ABCA2: variants seen among roughly 807,000 people sequenced by gnomAD.
The protein encoded by ABCA2 is ATP-binding cassette sub-family A member 2.
A neutral mutation model predicts 262.8 loss-of-function variants in ABCA2; 84 were observed. That is an observed-to-expected ratio of 0.32 (90% CI 0.27 to 0.38). The LOEUF (loss-of-function observed/expected upper bound fraction) is 0.38, where lower values mean the gene tolerates loss of function less well. Ranked by LOEUF, ABCA2 falls within the 10% of genes least tolerant of loss-of-function variation. The pLI is 1.00. For synonymous variants in ABCA2, 1,696 were observed against 1,502.9 expected, an observed-to-expected ratio of 1.13 and a Z score of -2.97; for missense variants, 2,662 against 3,405.9, an observed-to-expected ratio of 0.78 and a Z score of 5.44.
chr9:137,013,320 T>G lies in ABCA2; in HGVS notation c.4551-2A>C. The stretch of plus-strand genomic sequence containing the variant: ...CTGGCGTCGGGCGATAGCCGCAGCC[T>G]GCGGGCACCGACAGTGTGAGGTGGG... On this transcript the variant is annotated splice_acceptor_variant, in intron 29 of 48. Coordinates refer to ENST00000341511, the MANE Select transcript of ABCA2 (RefSeq NM_001606.5). LOFTEE classifies it high-confidence loss of function. The G allele has an allele frequency of 6.5e-7, 1 of 1,542,920 alleles. No individual in the cohort carries two copies. The highest frequency in any genetic ancestry group is 8.7e-7 in the Non-Finnish European group (1 of 1,151,196).
rs536107815 is a variant in ABCA2 at position 137,020,347 on chromosome 9, C to T, written c.1414G>A (p.Val472Ile). 8.1e-6 allele frequency: 13 copies of T among 1,612,594 alleles called. No homozygotes were observed. Among genetic ancestry groups the T allele is most frequent in the East Asian group, 6.7e-5 (3 of 44,878 alleles). The change falls in exon 10 of 49, where the codon GTC becomes ATC. Residue 472 changes from valine (V) to isoleucine (I), a missense_variant. By Grantham distance (29) the Val-to-Ile change is conservative (BLOSUM62 3). Transcript: ENST00000341511. ...YAPAGSEVDRVILKANETFAF... is the reference protein window; with the variant it reads ...YAPAGSEVDRIILKANETFAF... ...CCAGACCCGTGCACCTTGAGGATGA[C>T]GCGGTCGACCTCAGAGCCCGCAGGC...
At position 137,017,531 on chromosome 9, in the gene ABCA2, T is replaced by G. The variant is rs12348881; in HGVS notation, c.2373A>C (p.Ala791=). ...ACATGATGGTGGCCACCGCGTAGAC[T>G]GCCAGGAAGAGCCAGATGATGACCA... ...SHVVIIWLFL[A]VYAVATIMFC... The change falls in exon 17 of 49, where the codon GCA becomes GCC. Residue 791 remains alanine (A), a synonymous_variant. Coordinates refer to ENST00000341511, the MANE Select transcript of ABCA2 (RefSeq NM_001606.5). 0.099 allele frequency: 160,081 copies of G among 1,609,864 alleles called. 8,868 individuals are homozygous for G. Among genetic ancestry groups the G allele is most frequent in the African/African-American group, 0.21 (15,853 of 74,932 alleles).
rs1831278124 is a variant in ABCA2 at position 137,016,916 on chromosome 9, G to A, written c.2758+4C>T. 3 of 1,611,968 alleles carry A rather than the reference G, an allele frequency of 1.9e-6. No homozygotes were observed. The highest frequency in any genetic ancestry group is 1.7e-5 in the Admixed American group (1 of 59,988). ...TCCCCTGCCCTCCAAGGGCTGGCCA[G>A]TACCTGGGTGCACAGCCTCAATGTA... On this transcript the variant is annotated splice_donor_region_variant and intron_variant, in intron 19 of 48. Coordinates refer to ENST00000341511, the MANE Select transcript of ABCA2 (RefSeq NM_001606.5).
chr9:137,019,972 C>T lies in ABCA2; in HGVS notation c.1425+364G>A. 3.7e-6 allele frequency: 1 copy of T among 268,778 alleles called. No individual in the cohort carries two copies. 16.6% of individuals were successfully genotyped at this position (268,778 alleles called of 1,614,324 possible). ...CCAGGCCAATGTCCAGCCCTGGCCT[C>T]TGCTTGTTCCAGACAGGACCCCTCA... On this transcript the variant is annotated intron_variant, in intron 10 of 48. Coordinates refer to ENST00000341511, the MANE Select transcript of ABCA2 (RefSeq NM_001606.5). This position sits in a 1 kb window ranked among gnomAD's most constrained non-coding sequence, Gnocchi z 4.4.
At position 137,016,350 on chromosome 9, in the gene ABCA2, G is replaced by T. The variant is rs267602175; in HGVS notation, c.3045C>A (p.Leu1015=). The T allele has an allele frequency of 1.2e-6, 2 of 1,612,796 alleles. No individual in the cohort carries two copies. Among genetic ancestry groups the T allele is most frequent in the African/African-American group, 2.7e-5 (2 of 74,938 alleles). The stretch of plus-strand genomic sequence containing the variant: ...AGAAGGAGACCACCTGGTTCTCGTA[G>T]AGGTTCAGGCTCAGCTTGTTCAGGG... The part of the protein sequence containing the change: ...KLALNKLSLN[L]YENQVVSFLG... The change falls in exon 21 of 49, where the codon CTC becomes CTA. Residue 1015 remains leucine (L), a synonymous_variant. Coordinates refer to ENST00000341511, the MANE Select transcript of ABCA2 (RefSeq NM_001606.5).
rs1370727176 is a variant in ABCA2, at chr9:137,018,340, G to A, written c.1831C>T (p.Gln611Ter). The A allele has an allele frequency of 6.3e-7, 1 of 1,590,474 alleles. No individual in the cohort carries two copies. Among genetic ancestry groups the A allele is most frequent in the Non-Finnish European group, 8.5e-7 (1 of 1,172,362 alleles). Residue 611 changes from glutamine to a stop codon, truncating the protein, a stop_gained, in exon 14 of 49, where the codon CAG (glutamine) becomes TAG (stop). Transcript: ENST00000341511. LOFTEE classifies it high-confidence loss of function. The part of the protein sequence containing the change: ...NVTVFASVIF[Q>*]TRKDGSLPPH... ...GGGAGCGAGCCGTCCTTCCGGGTCT[G>A]GAAGATCACACCTGGGGCCGGGAGG...
Position 137,015,766 on chromosome 9 carries a change from G to A in ABCA2, c.3423C>T (p.Gly1141=), listed in dbSNP as rs751299471. ...GCTCGTCCAGGATGATGGCGCGAGAGCCGCCCACGAAGGCGATGGCCACGG... is the reference window on the plus strand; with the variant it reads ...GCTCGTCCAGGATGATGGCGCGAGAACCGCCCACGAAGGCGATGGCCACGG... The part of the protein sequence containing the change: ...KLSVAIAFVG[G]SRAIILDEPT... The change falls in exon 23 of 49, where the codon GGC becomes GGT. Residue 1141 remains glycine (G), a synonymous_variant. Coordinates refer to ENST00000341511, the MANE Select transcript of ABCA2 (RefSeq NM_001606.5). The A allele has an allele frequency of 1.9e-6, 3 of 1,612,420 alleles. No individual in the cohort carries two copies. Among genetic ancestry groups the A allele is most frequent in the African/African-American group, 1.3e-5 (1 of 75,064 alleles).
chr9:137,013,253 AC>A lies in ABCA2; in HGVS notation c.4615del (p.Val1539TrpfsTer19). The A allele has an allele frequency of 1.9e-6, 3 of 1,591,078 alleles. No individual in the cohort carries two copies. The highest frequency in any genetic ancestry group is 8.5e-7 in the Non-Finnish European group (1 of 1,173,912). On this transcript the variant is annotated frameshift_variant, in exon 30 of 49. Coordinates refer to ENST00000341511, the MANE Select transcript of ABCA2 (RefSeq NM_001606.5). LOFTEE classifies it high-confidence loss of function. The stretch of plus-strand genomic sequence containing the variant: ...AGACTTGAGCACGCAGGTGGCACCC[AC>A]CCCCGACGGCAGCCGGAACGTGCTC... ...LVSTFRLPSG[V>X]GATCVLKSPA...
chr9:137,025,016 T>A (rs1203261710), intron 1 of ABCA2, among the ~76,000 whole-genome samples: 1 of 152,160 alleles, frequency 6.6e-6, no homozygotes, highest in Non-Finnish European at 1.5e-5. Context: ...GCCAGGATGG[T>A]GTCGATCTCC....
In ABCA2 at chr9:137,013,121, C is replaced by G; in HGVS notation, c.4748G>C (p.Gly1583Ala). 2 of 1,595,334 alleles carry G rather than the reference C, an allele frequency of 1.3e-6. No homozygotes were observed. Among genetic ancestry groups the G allele is most frequent in the Middle Eastern group, 1.7e-4 (1 of 6,014 alleles). The change falls in exon 30 of 49, where the codon GGG becomes GCG. Residue 1583 changes from glycine (G) to alanine (A), a missense_variant. Transcript: ENST00000341511. ...DSMCLESFTQ[G>A]LPLSNFVPPP... ...TGGCACGAAATTGGACAGTGGCAGCCCCTGTGTGAAGGACTCCAGACACAT... is the reference window on the plus strand; with the variant it reads ...TGGCACGAAATTGGACAGTGGCAGCGCCTGTGTGAAGGACTCCAGACACAT...
In ABCA2 at chr9:137,018,783, G is replaced by C. The variant is rs200400184; in HGVS notation, c.1755C>G (p.Asp585Glu). The change falls in exon 13 of 49, where the codon GAC becomes GAG. Residue 585 changes from aspartate (D) to glutamate (E), a missense_variant. Asp to Glu is a conservative substitution (Grantham distance 45). Coordinates refer to ENST00000341511, the MANE Select transcript of ABCA2 (RefSeq NM_001606.5). ...VSVDIFKGFPDEESIVNYTLN... is the reference protein window; with the variant it reads ...VSVDIFKGFPEEESIVNYTLN... Reference sequence around the variant, plus strand: ...GGGTGTAGTTGACAATGCTCTCCTCGTCGGGGAAGCCCTTGAAGATGTCCA... The same window carrying C: ...GGGTGTAGTTGACAATGCTCTCCTCCTCGGGGAAGCCCTTGAAGATGTCCA... The C allele has an allele frequency of 1.9e-5, 31 of 1,612,584 alleles. No individual in the cohort carries two copies. The highest frequency in any genetic ancestry group is 2.5e-5 in the Non-Finnish European group (29 of 1,179,870).
chr9:137,021,619 G>C lies in ABCA2; in HGVS notation c.679-9C>G. Reference sequence around the variant, plus strand: ...GGAGCCAGCAGCAGCTCCTGGGATGGGCACAGGGGTCCGTGGAGCCACGGC... The same window carrying C: ...GGAGCCAGCAGCAGCTCCTGGGATGCGCACAGGGGTCCGTGGAGCCACGGC... On this transcript the variant is annotated splice_polypyrimidine_tract_variant and intron_variant, in intron 7 of 48. Transcript: ENST00000341511. This position sits in a 1 kb window ranked among gnomAD's most constrained non-coding sequence, Gnocchi z 6.0. 1 of 1,547,826 alleles carries C rather than the reference G, an allele frequency of 6.5e-7. No homozygotes were observed. Among genetic ancestry groups the C allele is most frequent in the Non-Finnish European group, 8.7e-7 (1 of 1,147,032 alleles).
chr9:137,018,406 G>C, intron 13 of ABCA2, 55 bp from the exon 14 acceptor site: 1 of 1,305,812 alleles, frequency 7.7e-7, no homozygotes, highest in Non-Finnish European at 1.0e-6. Flanking sequence ...CCAAGGCGTG[G>C]TGGGGGGGAA....
At chr9:137,022,283 C>A in intron 6 of ABCA2, 68 bp downstream of exon 6, 1 of 1,500,528 alleles carries the variant, frequency 6.7e-7, no homozygotes, top group Non-Finnish European at 8.9e-7. Context: ...CTGAGGATGG[C>A]TCAGCAACCA....
In ABCA2 at chr9:137,013,018, C is replaced by T. The variant is rs777477010; in HGVS notation, c.4851G>A (p.Pro1617=). 6.8e-5 allele frequency: 100 copies of T among 1,466,540 alleles called. No individual in the cohort carries two copies. The highest frequency in any genetic ancestry group is 8.0e-5 in the Non-Finnish European group (88 of 1,102,792). The allele number at this position is 1,466,540 out of a possible 1,614,324, so 90.8% of individuals were successfully genotyped here. A position where few individuals can be genotyped will look rare whatever the true frequency, so the allele number is the denominator to read the frequency against. The part of the protein sequence containing the change: ...EDLQAWNVSL[P]PTAGPEMWTS... ...AACCACTACCTGGCCCAGCGGTGGG[C>T]GGCAGGGAGACGTTCCAGGCCTGCA... is the stretch of plus-strand genomic sequence containing the variant. Residue 1617 remains proline, a synonymous_variant, in exon 30 of 49, where the codon CCG becomes CCA. Coordinates refer to ENST00000341511, the MANE Select transcript of ABCA2 (RefSeq NM_001606.5).
chr9:137,023,544 A>T, intron 3 of ABCA2: 1 of 740,180 alleles, frequency 1.4e-6, no homozygotes, highest in South Asian at 1.4e-5. Flanking sequence ...CTCAGCCCAG[A>T]CTCAGCCCAG....
Position 137,011,781 on chromosome 9 carries a change from C to T in ABCA2, c.5536-32G>A, listed in dbSNP as rs748521712. Reference sequence around the variant, plus strand: ...GGGTGGGGGCGGCTGGTGAGAGACCCGGGGCAGGGCGGGGATGGGGGATGA... The same window carrying T: ...GGGTGGGGGCGGCTGGTGAGAGACCTGGGGCAGGGCGGGGATGGGGGATGA... On this transcript the variant is annotated intron_variant, in intron 35 of 48. Transcript: ENST00000341511. The surrounding 1 kb of genome is among the most constrained non-coding windows in gnomAD (Gnocchi z 8.8). 23 of 1,068,610 alleles carry T rather than the reference C, an allele frequency of 2.2e-5. No individual in the cohort carries two copies. The Middle Eastern group carries it at 6.7e-4, about 31-fold the overall frequency. 66.2% of individuals were successfully genotyped at this position (1,068,610 alleles called of 1,614,324 possible).
intron 5 of ABCA2, 25 bp from the exon 6 acceptor site, chr9:137,022,503 G>T (rs749859286): frequency 1.2e-6 from 2 of 1,606,988 alleles, no homozygotes; most frequent in Non-Finnish European, 1.7e-6. Flanking sequence ...AGGCGAGGCT[G>T]AGAGGCCGCT....
chr9:137,020,883 G>A lies in ABCA2; in HGVS notation c.1076C>T (p.Pro359Leu). The A allele has an allele frequency of 6.5e-7, 1 of 1,548,098 alleles. No individual in the cohort carries two copies. Among genetic ancestry groups the A allele is most frequent in the Non-Finnish European group, 8.7e-7 (1 of 1,145,406 alleles). ...QGACTGRTPG[P>L]PASGAGGAAN... Reference sequence around the variant, plus strand: ...CGCCCCACCCGCACCACTGGCTGGGGGTCCGGGGGTCCGGCCAGTGCAGGC... The same window carrying A: ...CGCCCCACCCGCACCACTGGCTGGGAGTCCGGGGGTCCGGCCAGTGCAGGC... Residue 359 changes from proline (P) to leucine (L), a missense_variant, in exon 9 of 49, where the codon CCC becomes CTC. Coordinates refer to ENST00000341511, the MANE Select transcript of ABCA2 (RefSeq NM_001606.5).
Sources: allele counts gnomAD v4.1 joint callset (sites outside exome capture counted in the v4.1 genomes callset), GRCh38; gene constraint gnomAD v4.1.1; non-coding constraint Gnocchi (gnomAD v3.1); transcripts MANE v1.5; gene names NCBI Gene and HGNC (gene_info 2026-07-23, HGNC 2026-07-21).